Variants in CEP63 observed in about 807,000 individuals in gnomAD.
CEP63 encodes the protein centrosomal protein of 63 kDa.
A neutral mutation model predicts 89.1 loss-of-function variants in CEP63; 84 were observed. The observed-to-expected ratio is 0.94, with a 90% confidence interval of 0.79 to 1.13. CEP63 has a LOEUF of 1.13. Among genes scored for constraint, CEP63 ranks in the 50% most tolerant of loss-of-function variants. The probability of loss-of-function intolerance (pLI) is 0.00; values close to 1 mark genes in which losing one functional copy is unlikely to be tolerated. For missense variants in CEP63, 838 were observed against 813.3 expected (o/e 1.03, Z -0.37); for synonymous variants, 267 against 272.5 (o/e 0.98, Z 0.20).
the CEP63 span, among the ~76,000 whole-genome samples, chr3:134,612,751 C>CTGTGTGTGTGTGTGTGTGTGTGTG: frequency 8.0e-6 from 1 of 125,422 alleles, no homozygotes; most frequent in African/African-American, 3.1e-5. Context: ...CACGCCGATG[C>CTGTGTGTGTGTGTGTGTGTGTGTG]TGTGTGTGTG....
At chr3:134,517,607 C>T (rs9289474) in intron 3 of CEP63, among the ~76,000 whole-genome samples, 44,515 of 151,964 alleles carry the variant, frequency 0.29, 8,156 homozygotes, top group East Asian at 0.6. Context: ...AAAAGCTTGA[C>T]GTCACAGGTG....
At chr3:134,514,363 T>C (rs989167061) in intron 3 of CEP63, among the ~76,000 whole-genome samples, 1 of 152,070 alleles carries the variant, frequency 6.6e-6, no homozygotes, top group Non-Finnish European at 1.5e-5. Flanking sequence ...ATAAGTGTTT[T>C]TGGAATCCCT....
In CEP63 at chr3:134,545,148, C is replaced by T. The variant is rs534189269; in HGVS notation, c.556-438C>T. Among the ~76,000 whole-genome samples the T allele has an allele frequency of 4.6e-4, 70 of 152,104 alleles. 1 individual carries two copies. The highest frequency in any genetic ancestry group is 1.6e-3 in the African/African-American group (65 of 41,502). ...CCGAGTAGCTGGGATTACAGGCACG[C>T]GCCACCACGCCCAGCTAATTTTTGT... On this transcript the variant is annotated intron_variant, in intron 6 of 14. Coordinates refer to ENST00000675561, the MANE Select transcript of CEP63 (RefSeq NM_001353108.3).
At chr3:134,485,991 G>GGGCCC, upstream of CEP63, 7 of 938,148 alleles carry the variant, frequency 7.5e-6, no homozygotes, top group South Asian at 4.9e-5. Context: ...CTCCTGCCAC[G>GGGCCC]CCCCCCCCCC....
chr3:134,753,272 A>G, the CEP63 span, among the ~76,000 whole-genome samples: 1 of 152,098 alleles, frequency 6.6e-6, no homozygotes, highest in South Asian at 2.1e-4. Context: ...TCACCACTCT[A>G]TTTAGAGTTT....
chr3:134,736,079 T>C, the CEP63 span, among the ~76,000 whole-genome samples: 1 of 152,300 alleles, frequency 6.6e-6, no homozygotes, highest in East Asian at 1.9e-4. Context: ...AAGTTAGTTT[T>C]ATCCCAGGGA....
upstream of CEP63, chr3:134,485,991 G>GGGGC: frequency 1.1e-6 from 1 of 938,168 alleles, no homozygotes. Context: ...CTCCTGCCAC[G>GGGGC]CCCCCCCCCC....
intron 3 of CEP63, among the ~76,000 whole-genome samples, chr3:134,520,309 G>T (rs1201144379): frequency 6.6e-6 from 1 of 152,048 alleles, no homozygotes; most frequent in African/African-American, 2.4e-5. Context: ...AGTTAAAAAA[G>T]ATACCCTTGA....
chr3:134,553,895 G>T (rs1486186661), intron 12 of CEP63, among the ~76,000 whole-genome samples: 1 of 149,124 alleles, frequency 6.7e-6, no homozygotes, highest in Non-Finnish European at 1.5e-5. Context: ...GGTCATTGAA[G>T]TATTGTTCGC....
At chr3:134,662,861 G>C in the CEP63 span, among the ~76,000 whole-genome samples, 2 of 152,212 alleles carry the variant, frequency 1.3e-5, no homozygotes, top group African/African-American at 4.8e-5. Flanking sequence ...GGTTGTGCCT[G>C]TTTGACAGGG....
At chr3:134,662,035 C>T in the CEP63 span, among the ~76,000 whole-genome samples, 7 of 152,134 alleles carry the variant, frequency 4.6e-5, no homozygotes, top group East Asian at 5.8e-4. Context: ...CCCAGCACTG[C>T]GGAGGCCGAG....
the CEP63 span, among the ~76,000 whole-genome samples, chr3:134,733,675 A>G: frequency 6.6e-6 from 1 of 151,746 alleles, no homozygotes; most frequent in African/African-American, 2.4e-5. Flanking sequence ...GTGCAGCTTC[A>G]AACCAAGGAA....
At chr3:134,679,613 T>G in the CEP63 span, among the ~76,000 whole-genome samples, 2 of 152,236 alleles carry the variant, frequency 1.3e-5, no homozygotes, top group Non-Finnish European at 2.9e-5. Context: ...TGTTGTAGTC[T>G]TAACCTCCAG....
At chr3:134,599,154 C>T in the CEP63 span, among the ~76,000 whole-genome samples, 14 of 152,328 alleles carry the variant, frequency 9.2e-5, no homozygotes, top group East Asian at 7.7e-4. Context: ...ACAAACTCTC[C>T]GGACTGGAAG....
intron 3 of CEP63, among the ~76,000 whole-genome samples, chr3:134,520,139 A>T (rs1296417905): frequency 6.6e-6 from 1 of 152,184 alleles, no homozygotes. Context: ...AGGAAGAAAT[A>T]CCACTGCAGT....
At chr3:134,672,045 A>G in the CEP63 span, among the ~76,000 whole-genome samples, 1 of 152,092 alleles carries the variant, frequency 6.6e-6, no homozygotes, top group African/African-American at 2.4e-5. Context: ...TGTAGGGTGG[A>G]GTGTTGAAAC....
the CEP63 span, among the ~76,000 whole-genome samples, chr3:134,691,052 A>G: frequency 1.3e-5 from 2 of 152,196 alleles, no homozygotes; most frequent in Non-Finnish European, 2.9e-5. Context: ...CCTGGCCAAG[A>G]TATTTTTTAA....
the CEP63 span, among the ~76,000 whole-genome samples, chr3:134,725,973 G>T: frequency 2.6e-4 from 39 of 152,250 alleles, no homozygotes; most frequent in African/African-American, 4.6e-4. Flanking sequence ...GGACATGGGG[G>T]TTGCAAGAGT....
chr3:134,770,355 T>C, the CEP63 span, among the ~76,000 whole-genome samples: 5 of 152,344 alleles, frequency 3.3e-5, no homozygotes, highest in African/African-American at 1.2e-4. Flanking sequence ...GCATACTTTT[T>C]CTAGTTATGC....
Sources: allele counts gnomAD v4.1 joint callset (sites outside exome capture counted in the v4.1 genomes callset), GRCh38; gene constraint gnomAD v4.1.1; transcripts MANE v1.5; gene names NCBI Gene and HGNC (gene_info 2026-07-23, HGNC 2026-07-21).